The following APP variants were observed in gnomAD, a reference collection of about 807,000 sequenced individuals.
APP encodes the protein amyloid beta precursor protein.
A neutral mutation model predicts 101.4 loss-of-function variants in APP; 31 were observed. The ratio of observed to expected loss-of-function variants is 0.31; its 90% CI spans 0.23 to 0.41. APP has a LOEUF of 0.41. APP is among the 10% of genes least tolerant of loss of function. APP has a pLI of 1.00. For missense variants in APP, 839 were observed against 1,003.7 expected (o/e 0.84, Z 2.22); for synonymous variants, 366 against 364.4 (o/e 1.00, Z -0.05).
chr21:26,143,610 G>A (rs73168395), intron 1 of APP, among the ~76,000 whole-genome samples: 14,747 of 152,122 alleles, frequency 0.097, 918 homozygotes, highest in Admixed American at 0.15. Context: ...GTTTTCAAGT[G>A]TACAATTCAC....
intron 13 of APP, among the ~76,000 whole-genome samples, chr21:25,949,635 C>T (rs1160440896): frequency 1.8e-4 from 27 of 152,082 alleles, no homozygotes; most frequent in Non-Finnish European, 1.5e-5. Flanking sequence ...CTAAAAAGTA[C>T]CAGGGTCCTT....
chr21:25,995,603 G>A (rs1315089414), intron 8 of APP, among the ~76,000 whole-genome samples: 1 of 152,060 alleles, frequency 6.6e-6, no homozygotes, highest in East Asian at 1.9e-4. Context: ...TAAATGATCT[G>A]TGAAAATGCT....
intron 1 of APP, among the ~76,000 whole-genome samples, chr21:26,161,955 A>G (rs2063500388): frequency 6.6e-6 from 1 of 152,228 alleles, no homozygotes; most frequent in African/African-American, 2.4e-5. Context: ...AATACAGTTA[A>G]GAAACAGTGC....
intron 3 of APP, among the ~76,000 whole-genome samples, chr21:26,086,671 TG>T (rs2061711999): frequency 6.6e-6 from 1 of 152,228 alleles, no homozygotes; most frequent in Non-Finnish European, 1.5e-5. Flanking sequence ...AGGAATAATA[TG>T]TAAGAATGTT....
chr21:26,140,825 G>T (rs2063029096), intron 1 of APP, among the ~76,000 whole-genome samples: 1 of 152,192 alleles, frequency 6.6e-6, no homozygotes, highest in Non-Finnish European at 1.5e-5. Context: ...TTGAAAGAAT[G>T]GCAAGAAGTA....
intron 11 of APP, among the ~76,000 whole-genome samples, chr21:25,967,781 G>C (rs1022979386): frequency 6.6e-6 from 1 of 152,278 alleles, no homozygotes; most frequent in Non-Finnish European, 1.5e-5. Flanking sequence ...GTTTGAGTAC[G>C]AGCCCTGACA....
intron 1 of APP, among the ~76,000 whole-genome samples, chr21:26,156,438 T>C (rs1488762343): frequency 6.6e-6 from 1 of 152,184 alleles, no homozygotes; most frequent in Non-Finnish European, 1.5e-5. Flanking sequence ...CGAGAGTGAG[T>C]ACTCAAGTTC....
chr21:25,947,365 C>G (rs904353445), intron 13 of APP, among the ~76,000 whole-genome samples: 3 of 152,170 alleles, frequency 2.0e-5, no homozygotes, highest in South Asian at 2.1e-4. Flanking sequence ...GCAGACAGAC[C>G]AGTTGGGGAC....
At chr21:25,885,833 C>T (rs2242683) in intron 17 of APP, among the ~76,000 whole-genome samples, 71,049 of 152,000 alleles carry the variant, frequency 0.47, 17,262 homozygotes, top group African/African-American at 0.61. Context: ...TTTAGTCCTT[C>T]ACTGTATCCA....
chr21:26,009,975 A>G, intron 6 of APP: 1 of 159,840 alleles, frequency 6.3e-6, no homozygotes, highest in Non-Finnish European at 1.4e-5. Flanking sequence ...AGAAAAAAAG[A>G]ATGCCTCTAG....
At chr21:26,102,047 A>G in intron 2 of APP, among the ~76,000 whole-genome samples, 1 of 151,618 alleles carries the variant, frequency 6.6e-6, no homozygotes, top group Admixed American at 6.6e-5. Flanking sequence ...ATTCTTCTGG[A>G]ATCCCAAAGC....
intron 3 of APP, among the ~76,000 whole-genome samples, chr21:26,059,576 C>T (rs2046183399): frequency 6.6e-6 from 1 of 152,122 alleles, no homozygotes; most frequent in Non-Finnish European, 1.5e-5. Flanking sequence ...ACCAAAGCAG[C>T]TACAATGATT....
At chr21:26,149,276 T>C (rs1353120258) in intron 1 of APP, among the ~76,000 whole-genome samples, 1 of 152,146 alleles carries the variant, frequency 6.6e-6, no homozygotes, top group Non-Finnish European at 1.5e-5. Flanking sequence ...GAAAACATAG[T>C]TTAAACCCAG....
At chr21:26,020,027 A>C (rs368712350) in intron 6 of APP, among the ~76,000 whole-genome samples, 3 of 152,248 alleles carry the variant, frequency 2.0e-5, no homozygotes, top group African/African-American at 7.2e-5. Flanking sequence ...TCCATCTTGC[A>C]CTCTGTTCTT....
chr21:26,117,941 C>A (rs1170938871), intron 1 of APP, among the ~76,000 whole-genome samples: 1 of 152,186 alleles, frequency 6.6e-6, no homozygotes, highest in Admixed American at 6.5e-5. Flanking sequence ...ACCTGAAATT[C>A]TTTTTGGGTC....
chr21:26,111,948 C>G, intron 2 of APP, 31 bp downstream of exon 2: 2 of 1,613,070 alleles, frequency 1.2e-6, no homozygotes, highest in Non-Finnish European at 1.7e-6. Flanking sequence ...TGTGATCCAA[C>G]GTGAATTGCT....
intron 1 of APP, among the ~76,000 whole-genome samples, chr21:26,137,480 A>G (rs921291975): frequency 2.0e-5 from 3 of 152,160 alleles, no homozygotes; most frequent in Non-Finnish European, 4.4e-5. Flanking sequence ...TAAGTATGAG[A>G]TAACTTTCAT....
chr21:25,894,639 A>G (rs1287879092), intron 16 of APP, among the ~76,000 whole-genome samples: 1 of 152,256 alleles, frequency 6.6e-6, no homozygotes, highest in East Asian at 1.9e-4. Flanking sequence ...CTCATGATCA[A>G]ACTTGAATGG....
chr21:26,026,799 C>T (rs1415529681), intron 5 of APP, among the ~76,000 whole-genome samples: 1 of 152,164 alleles, frequency 6.6e-6, no homozygotes, highest in African/African-American at 2.4e-5. Context: ...GTTTTCCAAA[C>T]TCACAGAATA....
Sources: gnomAD v4.1 joint callset for allele counts (sites outside exome capture counted in the v4.1 genomes callset) on GRCh38, gnomAD v4.1.1 for gene constraint, MANE v1.5 for transcripts, NCBI Gene and HGNC (gene_info 2026-07-23, HGNC 2026-07-21) for gene names.